Variants in STARD3NL observed in about 807,000 individuals in gnomAD.
The protein encoded by STARD3NL is STARD3 N-terminal like.
A neutral mutation model predicts 30.9 loss-of-function variants in STARD3NL; 17 were observed. The ratio of observed to expected loss-of-function variants is 0.55; its 90% CI spans 0.38 to 0.82. STARD3NL has a LOEUF of 0.82. Ranked by LOEUF, STARD3NL falls within the 40% of genes least tolerant of loss-of-function variation. STARD3NL has a pLI of 0.00. For missense variants in STARD3NL, 234 were observed against 277.6 expected, an observed-to-expected ratio of 0.84 and a Z score of 1.12; for synonymous variants, 112 against 100.5, an observed-to-expected ratio of 1.11 and a Z score of -0.69.
intron 7 of STARD3NL, among the ~76,000 whole-genome samples, chr7:38,222,191 G>C (rs1428908653): frequency 8.1e-6 from 1 of 122,800 alleles, no homozygotes; most frequent in Non-Finnish European, 1.8e-5. Context: ...ACACAGAGTG[G>C]TAAAAGGGAT....
intron 1 of STARD3NL, among the ~76,000 whole-genome samples, chr7:38,196,504 A>T (rs1308125474): frequency 2.6e-5 from 4 of 152,066 alleles, no homozygotes; most frequent in Non-Finnish European, 5.9e-5. Flanking sequence ...AGACCTGATG[A>T]TATATATCTA....
intron 7 of STARD3NL, 76 bp from the exon 8 acceptor site, chr7:38,228,723 A>C: frequency 7.9e-7 from 1 of 1,259,132 alleles, no homozygotes; most frequent in Middle Eastern, 2.0e-4. Flanking sequence ...TATAATTTTA[A>C]ACCTATTTAT....
At chr7:38,197,748 T>A (rs1315171664) in intron 1 of STARD3NL, among the ~76,000 whole-genome samples, 1 of 152,226 alleles carries the variant, frequency 6.6e-6, no homozygotes, top group Non-Finnish European at 1.5e-5. Context: ...TACTCTGGAT[T>A]AGCTTCCTTC....
intron 1 of STARD3NL, among the ~76,000 whole-genome samples, chr7:38,189,592 C>T (rs1784599896): frequency 6.6e-6 from 1 of 152,168 alleles, no homozygotes; most frequent in African/African-American, 2.4e-5. Context: ...GACCCCAAAC[C>T]ATTGGATGAT....
chr7:38,211,576 T>A (rs566357461), intron 2 of STARD3NL, among the ~76,000 whole-genome samples: 1 of 152,270 alleles, frequency 6.6e-6, no homozygotes, highest in African/African-American at 2.4e-5. Flanking sequence ...GCTAGATTAT[T>A]CAAGTTATTA....
At chr7:38,212,408 G>C (rs1343562218) in intron 2 of STARD3NL, among the ~76,000 whole-genome samples, 1 of 152,170 alleles carries the variant, frequency 6.6e-6, no homozygotes, top group Non-Finnish European at 1.5e-5. Flanking sequence ...TATTTTGCTA[G>C]TATCAGTTTA....
At position 38,219,644 on chromosome 7, in the gene STARD3NL, T is replaced by G. The variant is rs757685342; in HGVS notation, c.633T>G (p.Pro211=). 2 of 1,612,420 alleles carry G rather than the reference T, an allele frequency of 1.2e-6. No homozygotes were observed. Among genetic ancestry groups the G allele is most frequent in the Non-Finnish European group, 1.7e-6 (2 of 1,178,728 alleles). ...TTTCTGATGGTCAGTTTTATTCCCCTCCTGAATCCGAAGCAGGTAAAAAAC... is the reference window on the plus strand; with the variant it reads ...TTTCTGATGGTCAGTTTTATTCCCCGCCTGAATCCGAAGCAGGTAAAAAAC... The part of the protein sequence containing the change: ...GGLSDGQFYS[P]PESEAGSEEA... Residue 211 remains proline (P), a synonymous_variant, in exon 7 of 9, where the codon CCT becomes CCG. Coordinates refer to ENST00000009041, the MANE Select transcript of STARD3NL (RefSeq NM_032016.4).
At position 38,207,706 on chromosome 7, in the gene STARD3NL, T is replaced by C; in HGVS notation, c.202T>C (p.Leu68=). The C allele has an allele frequency of 6.2e-7, 1 of 1,614,034 alleles. No homozygotes were observed. Among genetic ancestry groups the C allele is most frequent in the South Asian group, 1.1e-5 (1 of 91,086 alleles). Residue 68 remains leucine, a synonymous_variant, in exon 2 of 9, where the codon TTA becomes CTA. Coordinates refer to ENST00000009041, the MANE Select transcript of STARD3NL (RefSeq NM_032016.4). ...FVTFDLLFVT[L]LWIIELNVNG... is the part of the protein sequence containing the mutation. ...CACCTTTGACCTCTTATTCGTAACATTACTGTGGATAATAGAGTTAAATGT... is the reference window on the plus strand; with the variant it reads ...CACCTTTGACCTCTTATTCGTAACACTACTGTGGATAATAGAGTTAAATGT...
At chr7:38,219,923 G>A (rs149694660) in intron 7 of STARD3NL, among the ~76,000 whole-genome samples, 10 of 152,250 alleles carry the variant, frequency 6.6e-5, no homozygotes, top group South Asian at 2.1e-4. Flanking sequence ...AAGGGGAAGC[G>A]TCTCAGTGCT....
intron 1 of STARD3NL, among the ~76,000 whole-genome samples, chr7:38,202,688 A>G: frequency 6.6e-6 from 1 of 150,726 alleles, no homozygotes; most frequent in East Asian, 2.0e-4. Flanking sequence ...CTCATCATTT[A>G]CATTAGGTAT....
chr7:38,180,995 A>G (rs9639788), intron 1 of STARD3NL, among the ~76,000 whole-genome samples: 35,241 of 152,142 alleles, frequency 0.23, 4,110 homozygotes, highest in Middle Eastern at 0.25. Context: ...ATATTTCAAC[A>G]GCATGAATTT....
At chr7:38,183,860 A>G (rs1050604726) in intron 1 of STARD3NL, among the ~76,000 whole-genome samples, 1 of 152,244 alleles carries the variant, frequency 6.6e-6, no homozygotes, top group Non-Finnish European at 1.5e-5. Flanking sequence ...TTCCCTGCAT[A>G]TAATATACCA....
intron 1 of STARD3NL, chr7:38,198,515 C>T (rs1404259019): frequency 6.6e-6 from 1 of 152,320 alleles, no homozygotes; most frequent in East Asian, 1.9e-4. Flanking sequence ...GTCTCTAAGC[C>T]AAATCATCTC....
intron 1 of STARD3NL, chr7:38,202,311 A>G (rs1785219681): frequency 6.6e-6 from 1 of 152,238 alleles, no homozygotes; most frequent in African/African-American, 2.4e-5. Flanking sequence ...CTCTGAGGAA[A>G]CAAATTGAAT....
chr7:38,204,963 A>G (rs1583802496), intron 1 of STARD3NL, among the ~76,000 whole-genome samples: 1 of 152,214 alleles, frequency 6.6e-6, no homozygotes, highest in Non-Finnish European at 1.5e-5. Flanking sequence ...GAATAGACCA[A>G]TAACAGACTC....
intron 1 of STARD3NL, among the ~76,000 whole-genome samples, chr7:38,202,802 C>T (rs1785250335): frequency 6.7e-6 from 1 of 148,792 alleles, no homozygotes; most frequent in Admixed American, 6.8e-5. Context: ...CAATTCCCAC[C>T]TATGAGTGAG....
chr7:38,214,296 AC>A (rs1414835884), intron 2 of STARD3NL, 60 bp from the exon 3 acceptor site: 1 of 1,091,358 alleles, frequency 9.2e-7, no homozygotes. Flanking sequence ...AGGAAATCTT[AC>A]CTTGTTTTAT....
In STARD3NL at chr7:38,214,385, A is replaced by T; in HGVS notation, c.254A>T (p.Glu85Val). The stretch of plus-strand genomic sequence containing the variant: ...AATGGAGGCATTGAGAACACATTAG[A>T]GAAGGAGGTGATGCAGTATGACTAC... Reference protein sequence around the residue: ...NVNGGIENTLEKEVMQYDYYS... With the variant: ...NVNGGIENTLVKEVMQYDYYS... The change falls in exon 3 of 9, where the codon GAG becomes GTG. Residue 85 changes from glutamate to valine, a missense_variant. Coordinates refer to ENST00000009041, the MANE Select transcript of STARD3NL (RefSeq NM_032016.4). The T allele has an allele frequency of 6.2e-7, 1 of 1,608,528 alleles. No individual in the cohort carries two copies. The highest frequency in any genetic ancestry group is 2.2e-5 in the East Asian group (1 of 44,678).
At chr7:38,222,275 G>C (rs1583829238) in intron 7 of STARD3NL, among the ~76,000 whole-genome samples, 1 of 152,042 alleles carries the variant, frequency 6.6e-6, no homozygotes, top group Non-Finnish European at 1.5e-5. Context: ...GGAACTCCAA[G>C]TAACTTGAGA....
Sources: allele counts gnomAD v4.1 joint callset (sites outside exome capture counted in the v4.1 genomes callset), GRCh38; gene constraint gnomAD v4.1.1; transcripts MANE v1.5; gene names NCBI Gene and HGNC (gene_info 2026-07-23, HGNC 2026-07-21).